The following ACCS variants were observed in gnomAD, a reference collection of about 807,000 sequenced individuals.
The protein encoded by ACCS is 1-aminocyclopropane-1-carboxylate synthase-like protein 1.
Under a neutral mutation model 59.8 loss-of-function variants are expected in ACCS, and 42 were observed. That is an observed-to-expected ratio of 0.70 (90% CI 0.55 to 0.91). The LOEUF (loss-of-function observed/expected upper bound fraction) is 0.91. Ranked by LOEUF, ACCS falls within the 40% of genes least tolerant of loss-of-function variation. The pLI is 0.00. For missense variants in ACCS, 602 were observed against 630.4 expected (o/e 0.95, Z 0.48); for synonymous variants, 230 against 240.3 (o/e 0.96, Z 0.40).
Position 44,084,009 on chromosome 11 carries a change from C to A in ACCS, c.*217C>A. On this transcript the variant is annotated 3_prime_UTR_variant, in exon 15 of 15. Transcript: ENST00000263776. ...CCTCCCTCTCTCCTATTAAACAAAA[C>A]TAGGAGAGTCCATATGTCTCCATTG... The A allele has an allele frequency of 1.0e-6, 1 of 964,416 alleles. No individual in the cohort carries two copies. The highest frequency in any genetic ancestry group is 1.5e-6 in the Non-Finnish European group (1 of 680,164). 59.7% of individuals were successfully genotyped at this position (964,416 alleles called of 1,614,324 possible).
chr11:44,066,882 T>C (rs546501428), intron 1 of ACCS, among the ~76,000 whole-genome samples, 181 bp downstream of exon 1: 3 of 152,396 alleles, frequency 2.0e-5, no homozygotes, highest in South Asian at 2.1e-4. Flanking sequence ...TCATATTTTA[T>C]TGAACTTTGG....
At chr11:44,075,001 T>A (rs757872871) in intron 5 of ACCS, among the ~76,000 whole-genome samples, 2 of 151,344 alleles carry the variant, frequency 1.3e-5, no homozygotes, top group Non-Finnish European at 2.9e-5. Flanking sequence ...TTTTTGTATT[T>A]TTAGTAGAGA....
intron 2 of ACCS, 46 bp downstream of exon 2, chr11:44,067,961 G>GTGGTTACTGTTATATCCACTGTGCAGAT: frequency 6.5e-7 from 1 of 1,543,658 alleles, no homozygotes. Context: ...AGAACTGCAG[G>GTGGTTACTGTTATATCCACTGTGCAGAT]GTGGGGTACC....
chr11:44,080,746 G>A (rs1452535635), intron 10 of ACCS: 5 of 521,578 alleles, frequency 9.6e-6, no homozygotes, highest in African/African-American at 1.9e-5. Flanking sequence ...TCTTTGATGA[G>A]TGACATTTGA....
rs1470581270 is a variant in ACCS, at chr11:44,066,452, G to A, written c.-250G>A. 6.6e-6 allele frequency: 1 copy of A among 152,342 alleles called. No homozygotes were observed. Among genetic ancestry groups the A allele is most frequent in the Non-Finnish European group, 1.5e-5 (1 of 68,138 alleles). The allele number at this position is 152,342 out of a possible 1,614,324, so 9.4% of individuals were successfully genotyped here. ...CACACTTCCTCTGCCTGGAAACCTG[G>A]AGCCGTCTCTCGCGAGACGTCCTCC... On this transcript the variant is annotated 5_prime_UTR_variant, in exon 1 of 15. Transcript: ENST00000263776.
chr11:44,073,409 G>A, intron 3 of ACCS, 38 bp from the exon 4 acceptor site: 1 of 1,563,486 alleles, frequency 6.4e-7, no homozygotes, highest in South Asian at 1.1e-5. Flanking sequence ...TGGTAGCAGT[G>A]CTGGCCCTCA....
chr11:44,081,476 C>T (rs369674497), intron 12 of ACCS, among the ~76,000 whole-genome samples, 156 bp downstream of exon 12: 5 of 152,252 alleles, frequency 3.3e-5, no homozygotes, highest in African/African-American at 1.2e-4. Flanking sequence ...CCCTATTTGG[C>T]CACTTCCTGG....
In ACCS at chr11:44,073,625, G is replaced by C. The variant is rs765509777; in HGVS notation, c.419+108G>C. On this transcript the variant is annotated intron_variant, in intron 4 of 14. Coordinates refer to ENST00000263776, the MANE Select transcript of ACCS (RefSeq NM_032592.4). ...AAGTCAGGTGCTCCTGGCATTTAGT[G>C]TGTAGAGGTCAGGGATGCTGCCTAA... 69 of 1,116,204 alleles carry C rather than the reference G, an allele frequency of 6.2e-5. No individual in the cohort carries two copies. In the African/African-American group the frequency reaches 1.1e-3, roughly 17 times the overall value. The allele number at this position is 1,116,204 out of a possible 1,614,324, so 69.1% of individuals were successfully genotyped here.
chr11:44,072,478 G>A (rs1271267565), intron 3 of ACCS: 1 of 152,022 alleles, frequency 6.6e-6, no homozygotes, highest in African/African-American at 2.4e-5. Context: ...TTAAAGGCCT[G>A]TTTTACCTAA....
intron 2 of ACCS, among the ~76,000 whole-genome samples, chr11:44,069,587 G>T (rs1341612129): frequency 3.3e-5 from 5 of 152,242 alleles, no homozygotes; most frequent in African/African-American, 1.2e-4. Context: ...TGAAGCTGGG[G>T]CTGTGGTCTC....
chr11:44,074,409 G>C (rs891278592), intron 4 of ACCS, among the ~76,000 whole-genome samples: 2 of 152,026 alleles, frequency 1.3e-5, no homozygotes, highest in Non-Finnish European at 2.9e-5. Context: ...TGATTAGGTG[G>C]GGTGGGGTGT....
intron 3 of ACCS, chr11:44,071,808 A>G (rs968317843): frequency 1.2e-4 from 19 of 152,704 alleles, no homozygotes; most frequent in African/African-American, 4.6e-4. Context: ...CCTCAAAAAC[A>G]TAGATAGTAA....
intron 1 of ACCS, 143 bp from the exon 2 acceptor site, chr11:44,067,484 TA>T: frequency 1.2e-6 from 1 of 859,632 alleles, no homozygotes; most frequent in South Asian, 1.7e-5. Flanking sequence ...TGGTTACAGC[TA>T]AGGGACACAG....
rs756747248 is a variant in ACCS, at chr11:44,071,237, CTG to C, written c.289-17_289-16del. 1.2e-6 allele frequency: 2 copies of C among 1,614,126 alleles called. No homozygotes were observed. The highest frequency in any genetic ancestry group is 1.7e-6 in the Non-Finnish European group (2 of 1,179,978). The stretch of plus-strand genomic sequence containing the variant: ...CCCCCCTGCCATGCTAACTCTGCCT[CTG>C]TACCTCTCATCTCCAGGGCATCATT... On this transcript the variant is annotated splice_polypyrimidine_tract_variant and intron_variant, in intron 2 of 14. Transcript: ENST00000263776.
chr11:44,084,055 A>C lies in ACCS; in HGVS notation c.*263A>C, dbSNP rs1953759371. The C allele has an allele frequency of 1.7e-6, 1 of 574,830 alleles. No individual in the cohort carries two copies. Among genetic ancestry groups the C allele is most frequent in the East Asian group, 4.0e-5 (1 of 25,088 alleles). 35.6% of individuals were successfully genotyped at this position (574,830 alleles called of 1,614,324 possible). On this transcript the variant is annotated 3_prime_UTR_variant, in exon 15 of 15. Transcript: ENST00000263776. ...CATTGTGAGTTATTTAGAATGGAGG[A>C]GTCGTGACTGCTTCTAACCAGAGCC...
intron 2 of ACCS, 91 bp from the exon 3 acceptor site, chr11:44,071,165 C>A: frequency 7.5e-7 from 1 of 1,339,866 alleles, no homozygotes; most frequent in Non-Finnish European, 1.1e-6. Flanking sequence ...AGAGAGCTCC[C>A]ACTTTGCTTT....
chr11:44,076,418 A>G (rs1953363629), intron 6 of ACCS, among the ~76,000 whole-genome samples: 1 of 152,262 alleles, frequency 6.6e-6, no homozygotes, highest in African/African-American at 2.4e-5. Context: ...TCTATTTTAC[A>G]TATGAGGAGA....
intron 2 of ACCS, 62 bp downstream of exon 2, chr11:44,067,977 T>A: frequency 6.7e-7 from 1 of 1,502,786 alleles, no homozygotes; most frequent in Non-Finnish European, 8.9e-7. Context: ...GTACCCTACC[T>A]TGACCAATAA....
intron 12 of ACCS, among the ~76,000 whole-genome samples, chr11:44,081,546 A>C (rs374241814): frequency 1.3e-5 from 2 of 152,360 alleles, no homozygotes; most frequent in East Asian, 1.9e-4. Flanking sequence ...TCATCTGTAA[A>C]ACAGGGATCA....
Sources: allele counts gnomAD v4.1 joint callset (sites outside exome capture counted in the v4.1 genomes callset), GRCh38; gene constraint gnomAD v4.1.1; transcripts MANE v1.5; gene names NCBI Gene and HGNC (gene_info 2026-07-23, HGNC 2026-07-21).